USH2A: variants seen among roughly 807,000 people sequenced by gnomAD.
The protein encoded by USH2A is Usher syndrome 2A (autosomal recessive, mild).
In USH2A, 443 loss-of-function variants were observed where a neutral mutation model predicts 538.9. That is an observed-to-expected ratio of 0.82 (90% CI 0.76 to 0.89). The LOEUF (loss-of-function observed/expected upper bound fraction) is 0.89. USH2A is among the 40% of genes least tolerant of loss of function. The probability of loss-of-function intolerance (pLI) is 0.00; values close to 1 mark genes in which losing one functional copy is unlikely to be tolerated. For missense variants in USH2A, 6,633 were observed against 6,324.8 expected, an observed-to-expected ratio of 1.05 and a Z score of -1.65; for synonymous variants, 2,413 against 2,273.5, an observed-to-expected ratio of 1.06 and a Z score of -1.75.
At chr1:215,812,708 GAA>G (rs1277448982) in intron 49 of USH2A, among the ~76,000 whole-genome samples, 1 of 145,764 alleles carries the variant, frequency 6.9e-6, no homozygotes, top group East Asian at 1.9e-4. Flanking sequence ...TTAAGTAGTA[GAA>G]AAAAGTTTGT....
chr1:215,866,161 A>G (rs1160939413), intron 44 of USH2A, among the ~76,000 whole-genome samples: 2 of 152,170 alleles, frequency 1.3e-5, no homozygotes, highest in Non-Finnish European at 2.9e-5. Flanking sequence ...TATTTGCCAG[A>G]TCTCAAGTTA....
At chr1:216,170,229 A>G (rs2034250116) in intron 21 of USH2A, among the ~76,000 whole-genome samples, 1 of 152,172 alleles carries the variant, frequency 6.6e-6, no homozygotes, top group Non-Finnish European at 1.5e-5. Flanking sequence ...ATGCTCTTAA[A>G]CATATTGATT....
At chr1:216,298,862 A>G (rs1339489508) in intron 9 of USH2A, among the ~76,000 whole-genome samples, 2 of 146,932 alleles carry the variant, frequency 1.4e-5, no homozygotes, top group Non-Finnish European at 3.0e-5. Flanking sequence ...TTTTTTTGAG[A>G]CGGAGTCTCA....
Position 215,633,539 on chromosome 1 carries a change from A to G in USH2A, c.15297+920T>C, listed in dbSNP as rs6684030. Among the ~76,000 whole-genome samples the G allele has an allele frequency of 3.6e-3, 542 of 152,190 alleles. 4 individuals are homozygous for G. The highest frequency in any genetic ancestry group is 0.013 in the African/African-American group (528 of 41,516). ...GAAGGCAGATGGTGCTGCTGTGTTC[A>G]CTCACTGCTGTTTTTTTAAATGTTG... On this transcript the variant is annotated intron_variant, in intron 70 of 71. Coordinates refer to ENST00000307340, the MANE Select transcript of USH2A (RefSeq NM_206933.4).
chr1:215,626,235 G>GTA lies in USH2A; in HGVS notation c.15520-367_15520-366dup, dbSNP rs1047145933. 8.7e-5 allele frequency among the ~76,000 whole-genome samples: 13 copies of GTA among 149,010 alleles called. No individual in the cohort carries two copies. In the East Asian group the frequency reaches 1.8e-3, roughly 20 times the overall value. ...CTGGGGGTATATATATATATTTTTAGTATATATATACACACTATATAGACA... is the reference window on the plus strand; with the variant it reads ...CTGGGGGTATATATATATATTTTTAGTATATATATATACACACTATATAGACA... On this transcript the variant is annotated intron_variant, in intron 71 of 71. Transcript: ENST00000307340.
intron 61 of USH2A, among the ~76,000 whole-genome samples, chr1:215,715,517 C>T (rs1659458158): frequency 6.6e-6 from 1 of 152,174 alleles, no homozygotes; most frequent in Non-Finnish European, 1.5e-5. Context: ...TGTTGGGACA[C>T]ACATGAGAAT....
chr1:215,905,008 A>C (rs1665597870), intron 38 of USH2A, among the ~76,000 whole-genome samples: 1 of 152,148 alleles, frequency 6.6e-6, no homozygotes. Flanking sequence ...ATAGACAATG[A>C]CTTATACATG....
At chr1:216,111,697 T>A (rs930542313) in intron 21 of USH2A, among the ~76,000 whole-genome samples, 2 of 149,746 alleles carry the variant, frequency 1.3e-5, no homozygotes, top group African/African-American at 2.5e-5. Flanking sequence ...CAAAATATAC[T>A]TTTTTCAGGA....
At chr1:215,708,418 G>T (rs550937198) in intron 61 of USH2A, among the ~76,000 whole-genome samples, 46 of 152,260 alleles carry the variant, frequency 3.0e-4, no homozygotes, top group Non-Finnish European at 6.3e-4. Flanking sequence ...AAGGAAGAAT[G>T]GGAGTTTTAC....
chr1:215,972,847 A>G (rs1667530394), intron 35 of USH2A, among the ~76,000 whole-genome samples: 1 of 152,172 alleles, frequency 6.6e-6, no homozygotes, highest in Admixed American at 6.6e-5. Context: ...GTGACCATCT[A>G]TGGTAACTTT....
intron 56 of USH2A, 25 bp downstream of exon 56, chr1:215,766,656 C>T (rs780362048): frequency 6.2e-7 from 1 of 1,603,096 alleles, no homozygotes; most frequent in Admixed American, 1.7e-5. Flanking sequence ...TTTCTTCCCT[C>T]AAACCATGGA....
intron 38 of USH2A, among the ~76,000 whole-genome samples, chr1:215,912,474 T>TATATAG (rs376298059): frequency 6.6e-5 from 1 of 15,132 alleles, no homozygotes; most frequent in Non-Finnish European, 1.4e-4. Flanking sequence ...TATATATATA[T>TATATAG]ACGTATATAT....
chr1:215,830,445 T>C (rs2102808804), intron 47 of USH2A, among the ~76,000 whole-genome samples: 1 of 151,840 alleles, frequency 6.6e-6, no homozygotes, highest in East Asian at 1.9e-4. Context: ...GTGGGGGAAG[T>C]CCTTGTTATT....
At chr1:215,859,960 T>C (rs1422161482) in intron 44 of USH2A, among the ~76,000 whole-genome samples, 1 of 152,202 alleles carries the variant, frequency 6.6e-6, no homozygotes, top group Non-Finnish European at 1.5e-5. Context: ...CAGATTCTCA[T>C]GAATGGCTTG....
At chr1:215,910,422 T>C (rs1464361633) in intron 38 of USH2A, among the ~76,000 whole-genome samples, 1 of 151,990 alleles carries the variant, frequency 6.6e-6, no homozygotes, top group Non-Finnish European at 1.5e-5. Flanking sequence ...TACCAAAATC[T>C]CTATGTGCCC....
intron 69 of USH2A, 148 bp from the exon 70 acceptor site, chr1:215,634,851 T>C: frequency 7.4e-7 from 1 of 1,350,704 alleles, no homozygotes; most frequent in Non-Finnish European, 1.0e-6. Flanking sequence ...GTGTGCAGCC[T>C]GGGGTAATGG....
chr1:215,690,789 A>C (rs1281930589), intron 61 of USH2A, among the ~76,000 whole-genome samples: 2 of 152,022 alleles, frequency 1.3e-5, no homozygotes, highest in African/African-American at 4.8e-5. Flanking sequence ...ATTTAACTTC[A>C]AGATACATCC....
intron 55 of USH2A, among the ~76,000 whole-genome samples, chr1:215,767,652 G>C (rs142535166): frequency 6.6e-6 from 1 of 152,128 alleles, no homozygotes; most frequent in Admixed American, 6.6e-5. Context: ...GTTAGATTTC[G>C]CTGCTCTGTG....
chr1:216,095,219 T>C (rs1368465124), intron 22 of USH2A, among the ~76,000 whole-genome samples: 2 of 152,174 alleles, frequency 1.3e-5, no homozygotes, highest in African/African-American at 4.8e-5. Flanking sequence ...TTTGTTCTCC[T>C]TCCGATTCGC....
Sources: allele counts gnomAD v4.1 joint callset (sites outside exome capture counted in the v4.1 genomes callset), GRCh38; gene constraint gnomAD v4.1.1; transcripts MANE v1.5; gene names NCBI Gene and HGNC (gene_info 2026-07-23, HGNC 2026-07-21).